ARID1B: variants seen among roughly 807,000 people sequenced by gnomAD.
ARID1B encodes AT-rich interaction domain 1B.
ARID1B carries 30 observed loss-of-function variants against 212.3 expected under a neutral mutation model. The ratio of observed to expected loss-of-function variants is 0.14; its 90% CI spans 0.11 to 0.19. The LOEUF (loss-of-function observed/expected upper bound fraction) is 0.19. Among genes scored for constraint, ARID1B ranks in the 10% least tolerant of loss-of-function variants. ARID1B has a pLI of 1.00. For synonymous variants in ARID1B, 1,402 were observed against 1,301.7 expected, an observed-to-expected ratio of 1.08 and a Z score of -1.66; for missense variants, 2,891 against 3,204.0, an observed-to-expected ratio of 0.90 and a Z score of 2.36.
chr6:156,797,815 G>A (rs965737423), intron 1 of ARID1B, among the ~76,000 whole-genome samples: 4 of 152,252 alleles, frequency 2.6e-5, no homozygotes, highest in African/African-American at 9.6e-5. Context: ...ACACTGCCCT[G>A]CGGAGCACGT....
intron 10 of ARID1B, 24 bp downstream of exon 10, chr6:157,174,141 G>A (rs749360406): frequency 9.4e-6 from 15 of 1,602,138 alleles, no homozygotes; most frequent in Admixed American, 5.0e-5. Context: ...CTCTGCACGC[G>A]GTGTGAGGTC....
intron 3 of ARID1B, among the ~76,000 whole-genome samples, chr6:156,910,275 G>A (rs906903047): frequency 3.9e-5 from 6 of 152,156 alleles, no homozygotes; most frequent in Non-Finnish European, 5.9e-5. Flanking sequence ...CCCTGGTGAT[G>A]GTTAGCTTGT....
intron 2 of ARID1B, among the ~76,000 whole-genome samples, chr6:156,890,747 G>C (rs552651964): frequency 5.9e-5 from 9 of 152,316 alleles, no homozygotes; most frequent in African/African-American, 2.2e-4. Context: ...TTTCCTGTTA[G>C]TCAAGAGAAG....
chr6:156,987,159 CAGAGAGAGAGAGAGAG>C (rs56189333), intron 4 of ARID1B, among the ~76,000 whole-genome samples: 20 of 141,620 alleles, frequency 1.4e-4, no homozygotes, highest in South Asian at 7.3e-4. Context: ...GCCTCGGTGA[CAGAGAGAGAGAGAGAG>C]AGAGAGAGAG....
In ARID1B at chr6:156,802,924, TA is replaced by T. The variant is rs151020274; in HGVS notation, c.1791+23455del. 2.9e-3 allele frequency among the ~76,000 whole-genome samples: 438 copies of T among 152,346 alleles called. 4 individuals carry two copies. The highest frequency in any genetic ancestry group is 9.7e-3 in the African/African-American group (403 of 41,572). ...CACAATATGTTTCACAGTTTTATTA[TA>T]ACTACAAATATGAAAAACAATTAAA... is the stretch of plus-strand genomic sequence containing the variant. On this transcript the variant is annotated intron_variant, in intron 1 of 19. Transcript: ENST00000636930.
At chr6:156,843,349 C>A (rs954072500) in intron 2 of ARID1B, among the ~76,000 whole-genome samples, 5 of 152,176 alleles carry the variant, frequency 3.3e-5, no homozygotes, top group Admixed American at 3.3e-4. Flanking sequence ...ACAGTTCATG[C>A]TGTAAGTTAA....
intron 5 of ARID1B, among the ~76,000 whole-genome samples, chr6:157,098,935 T>A (rs1023897797): frequency 6.6e-6 from 1 of 152,178 alleles, no homozygotes; most frequent in African/African-American, 2.4e-5. Context: ...GAGAATCCTC[T>A]GTATGTAAAT....
At chr6:156,978,807 T>C (rs1185737452) in intron 4 of ARID1B, among the ~76,000 whole-genome samples, 1 of 152,210 alleles carries the variant, frequency 6.6e-6, no homozygotes, top group Non-Finnish European at 1.5e-5. Context: ...GTAGACTATA[T>C]TTAAATGTGA....
chr6:156,970,768 T>A (rs1012375323), intron 4 of ARID1B, among the ~76,000 whole-genome samples: 3 of 152,242 alleles, frequency 2.0e-5, no homozygotes, highest in African/African-American at 7.2e-5. Flanking sequence ...AGCAGGTGAC[T>A]GCCTTTTGCC....
chr6:156,978,497 T>C (rs1777400612), intron 4 of ARID1B, among the ~76,000 whole-genome samples: 3 of 152,278 alleles, frequency 2.0e-5, no homozygotes, highest in Middle Eastern at 6.8e-3. Flanking sequence ...ATAGCTGTTA[T>C]GGACAGAATT....
At chr6:157,023,818 G>A (rs1780478579) in intron 4 of ARID1B, 1 of 152,194 alleles carries the variant, frequency 6.6e-6, no homozygotes, top group African/African-American at 2.4e-5. Context: ...TATAATGAGT[G>A]TGTGGTTCCT....
At chr6:156,905,936 T>C (rs548992674) in intron 3 of ARID1B, among the ~76,000 whole-genome samples, 2 of 152,368 alleles carry the variant, frequency 1.3e-5, no homozygotes, top group South Asian at 4.1e-4. Flanking sequence ...AGAAGCACTT[T>C]ACTTGAATAG....
At position 157,042,438 on chromosome 6, in the gene ARID1B, G is replaced by C. The variant is rs186883370; in HGVS notation, c.2248-42224G>C. ...AAAAATATTTTGATAGGGTGTTTTG[G>C]CTGACATGTTCTTTGGGAAGAAAAC... On this transcript the variant is annotated intron_variant, in intron 4 of 19. Transcript: ENST00000636930. 2.0e-4 allele frequency among the ~76,000 whole-genome samples: 25 copies of C among 124,592 alleles called. No individual in the cohort carries two copies. In the East Asian group the frequency reaches 4.3e-3, roughly 21 times the overall value. 81.7% of individuals were successfully genotyped at this position (124,592 alleles called of 152,430 possible).
At chr6:157,107,793 G>A (rs1257221206) in intron 5 of ARID1B, 3 of 151,694 alleles carry the variant, frequency 2.0e-5, no homozygotes, top group African/African-American at 4.8e-5. Flanking sequence ...AGCAGTATGC[G>A]CTTTAAAAAT....
intron 12 of ARID1B, among the ~76,000 whole-genome samples, chr6:157,183,411 TC>T (rs1792707264): frequency 6.6e-6 from 1 of 152,122 alleles, no homozygotes; most frequent in Non-Finnish European, 1.5e-5. Flanking sequence ...CCTTACCTCC[TC>T]CCTTGCCACA....
At chr6:157,001,988 A>G (rs1331824281) in intron 4 of ARID1B, among the ~76,000 whole-genome samples, 1 of 152,214 alleles carries the variant, frequency 6.6e-6, no homozygotes, top group African/African-American at 2.4e-5. Context: ...GTGAATGAAA[A>G]TGTGTCCACA....
At chr6:157,001,851 G>A (rs1215353586) in intron 4 of ARID1B, among the ~76,000 whole-genome samples, 2 of 152,172 alleles carry the variant, frequency 1.3e-5, no homozygotes, top group African/African-American at 4.8e-5. Flanking sequence ...AATCCCCCAG[G>A]AATTCGGCCG....
intron 4 of ARID1B, among the ~76,000 whole-genome samples, chr6:157,078,040 CTT>C (rs1201063991): frequency 1.3e-5 from 2 of 152,186 alleles, no homozygotes; most frequent in African/African-American, 4.8e-5. Flanking sequence ...GCACACGAGT[CTT>C]TTTCGTGTTT....
intron 1 of ARID1B, among the ~76,000 whole-genome samples, chr6:156,784,405 A>G (rs1779493423): frequency 6.6e-6 from 1 of 152,206 alleles, no homozygotes; most frequent in Non-Finnish European, 1.5e-5. Flanking sequence ...GGCTATTTGA[A>G]TGAGACTCAA....
Sources: allele counts gnomAD v4.1 joint callset (sites outside exome capture counted in the v4.1 genomes callset), GRCh38; gene constraint gnomAD v4.1.1; transcripts MANE v1.5; gene names NCBI Gene and HGNC (gene_info 2026-07-23, HGNC 2026-07-21).